HNF4G: variants seen among roughly 807,000 people sequenced by gnomAD.
The protein encoded by HNF4G is hepatocyte nuclear factor 4-gamma.
HNF4G carries 21 observed loss-of-function variants against 50.9 expected under a neutral mutation model. The observed-to-expected ratio is 0.41, with a 90% confidence interval of 0.29 to 0.59. HNF4G has a LOEUF of 0.59. HNF4G is among the 20% of genes least tolerant of loss of function. The pLI is 0.26. For synonymous variants in HNF4G, 198 were observed against 185.6 expected (o/e 1.07, Z -0.54); for missense variants, 527 against 559.4 (o/e 0.94, Z 0.58).
chr8:75,420,488 C>T (rs1274095073), intron 1 of HNF4G, among the ~76,000 whole-genome samples: 1 of 152,222 alleles, frequency 6.6e-6, no homozygotes, highest in African/African-American at 2.4e-5. Flanking sequence ...TCTTTGACCC[C>T]TGAAGTTTTA....
chr8:75,538,117 C>T (rs1164575696), upstream of HNF4G, among the ~76,000 whole-genome samples: 1 of 152,120 alleles, frequency 6.6e-6, no homozygotes, highest in East Asian at 1.9e-4. Flanking sequence ...TCAAATCTAC[C>T]ATATCTTCTG....
intron 2 of HNF4G, among the ~76,000 whole-genome samples, chr8:75,518,452 A>G (rs1805951606): frequency 3.3e-5 from 5 of 151,964 alleles, no homozygotes; most frequent in Admixed American, 3.3e-4. Context: ...AACTAGAAAT[A>G]CCATTTGACC....
At chr8:75,554,681 A>T (rs1807063717) in intron 5 of HNF4G, among the ~76,000 whole-genome samples, 1 of 152,188 alleles carries the variant, frequency 6.6e-6, no homozygotes, top group South Asian at 2.1e-4. Flanking sequence ...AAAAATACAG[A>T]TTTCTTCACT....
chr8:75,525,911 A>G (rs1303438547), intron 2 of HNF4G, among the ~76,000 whole-genome samples: 1 of 152,190 alleles, frequency 6.6e-6, no homozygotes, highest in African/African-American at 2.4e-5. Flanking sequence ...GAAACAAACA[A>G]ACAAAAAAGG....
At position 75,564,045 on chromosome 8, in the gene HNF4G, C is replaced by T; in HGVS notation, c.1317C>T (p.Asn439=). The change falls in exon 10 of 10, where the codon AAC becomes AAT. Residue 439 remains asparagine, a synonymous_variant. Transcript: ENST00000396423. ...AAGAACAGTACAAAATAGCTGCAAACCAAGCATCAGTCATTTCACACCAGC... is the reference window on the plus strand; with the variant it reads ...AAGAACAGTACAAAATAGCTGCAAATCAAGCATCAGTCATTTCACACCAGC... The part of the protein sequence containing the change: ...SGQEQYKIAA[N]QASVISHQHL... The T allele has an allele frequency of 1.9e-6, 3 of 1,613,626 alleles. No homozygotes were observed. The highest frequency in any genetic ancestry group is 2.5e-6 in the Non-Finnish European group (3 of 1,179,652).
chr8:75,469,521 T>G (rs914819184), intron 1 of HNF4G, among the ~76,000 whole-genome samples: 56 of 152,314 alleles, frequency 3.7e-4, no homozygotes, highest in African/African-American at 1.3e-3. Flanking sequence ...AAAAGGTTAC[T>G]ACTCATTTAC....
intron 9 of HNF4G, among the ~76,000 whole-genome samples, chr8:75,560,805 G>A (rs964569849): frequency 3.3e-5 from 5 of 152,048 alleles, no homozygotes; most frequent in African/African-American, 1.2e-4. Flanking sequence ...TAATCAATGG[G>A]AAAATTATTT....
In HNF4G at chr8:75,565,132, C is replaced by T. The variant is rs997984991; in HGVS notation, c.*1036C>T. ...ACATAACCAAAGTTCACAAACATAA[C>T]GAGTGAGAGAAACACATTCAAGCCC... On this transcript the variant is annotated 3_prime_UTR_variant, in exon 10 of 10. Coordinates refer to ENST00000396423, the MANE Select transcript of HNF4G (RefSeq NM_004133.5). 6.6e-6 allele frequency: 1 copy of T among 152,088 alleles called. No individual in the cohort carries two copies. The highest frequency in any genetic ancestry group is 2.4e-5 in the African/African-American group (1 of 41,428). The allele number at this position is 152,088 out of a possible 1,614,324, so 9.4% of individuals were successfully genotyped here.
intron 1 of HNF4G, among the ~76,000 whole-genome samples, chr8:75,474,076 G>T (rs1409811004): frequency 6.6e-6 from 1 of 152,200 alleles, no homozygotes; most frequent in African/African-American, 2.4e-5. Context: ...ACATTGATGA[G>T]AAATTAAAGA....
At chr8:75,425,956 T>G (rs1810882253) in intron 1 of HNF4G, among the ~76,000 whole-genome samples, 1 of 152,232 alleles carries the variant, frequency 6.6e-6, no homozygotes, top group African/African-American at 2.4e-5. Flanking sequence ...TAGCTAATAT[T>G]AGTTTTTTAA....
chr8:75,513,862 G>C (rs1430314728), intron 2 of HNF4G, among the ~76,000 whole-genome samples: 1 of 150,894 alleles, frequency 6.6e-6, no homozygotes, highest in East Asian at 1.9e-4. Context: ...TTTATTTAGA[G>C]AATGTGATCT....
intron 2 of HNF4G, among the ~76,000 whole-genome samples, chr8:75,506,413 A>C (rs1239082856): frequency 6.6e-6 from 1 of 151,824 alleles, no homozygotes; most frequent in East Asian, 1.9e-4. Context: ...TTATACTTGA[A>C]CTCTTCCCTC....
chr8:75,439,257 T>C (rs1585843646), intron 1 of HNF4G, among the ~76,000 whole-genome samples: 1 of 152,030 alleles, frequency 6.6e-6, no homozygotes, highest in African/African-American at 2.4e-5. Context: ...TACAGGTGGA[T>C]GCCATAATTA....
At chr8:75,480,829 G>T (rs1192588467) in intron 1 of HNF4G, among the ~76,000 whole-genome samples, 1 of 150,568 alleles carries the variant, frequency 6.6e-6, no homozygotes, top group Non-Finnish European at 1.5e-5. Flanking sequence ...TCTTGCCTCA[G>T]CCTCCCGAGT....
intron 4 of HNF4G, 88 bp from the exon 5 acceptor site, chr8:75,552,954 C>A (rs1277750729): frequency 2.4e-6 from 2 of 839,104 alleles, no homozygotes; most frequent in Non-Finnish European, 3.7e-6. Flanking sequence ...ACTTCTATGG[C>A]CTTTACTTAT....
intron 2 of HNF4G, chr8:75,495,300 T>C (rs1242871236): frequency 1.3e-5 from 2 of 152,264 alleles, no homozygotes; most frequent in African/African-American, 4.8e-5. Flanking sequence ...AATATCCCCA[T>C]GTGATGGCAT....
rs1162073779 is a variant in HNF4G, at chr8:75,539,915, C to T, written c.-48C>T. 30 of 845,686 alleles carry T rather than the reference C, an allele frequency of 3.5e-5. No homozygotes were observed. In the East Asian group the frequency reaches 7.3e-4, roughly 21 times the overall value. 52.4% of individuals were successfully genotyped at this position (845,686 alleles called of 1,614,324 possible). On this transcript the variant is annotated 5_prime_UTR_variant, in exon 1 of 10. Transcript: ENST00000396423. ...AAGCAAAACACATCAAAACACTCAT[C>T]ACGCACTCTGGGCTTGTGGTGCCAC... is the stretch of plus-strand genomic sequence containing the variant.
chr8:75,500,892 T>TAAC (rs1812908880), intron 2 of HNF4G, among the ~76,000 whole-genome samples: 1 of 152,138 alleles, frequency 6.6e-6, no homozygotes, highest in Non-Finnish European at 1.5e-5. Context: ...TAATGTATAT[T>TAAC]GGTTTTTTGA....
chr8:75,456,662 A>G (rs1811731481), intron 1 of HNF4G, among the ~76,000 whole-genome samples: 2 of 152,038 alleles, frequency 1.3e-5, no homozygotes, highest in Non-Finnish European at 2.9e-5. Flanking sequence ...TCTTCAGAAG[A>G]TGGTAAAATT....
Sources: allele counts gnomAD v4.1 joint callset (sites outside exome capture counted in the v4.1 genomes callset), GRCh38; gene constraint gnomAD v4.1.1; transcripts MANE v1.5; gene names NCBI Gene and HGNC (gene_info 2026-07-23, HGNC 2026-07-21).